ANKRD26: variants seen among roughly 807,000 people sequenced by gnomAD.
The protein encoded by ANKRD26 is ankyrin repeat domain-containing protein 26.
Under a neutral mutation model 208.7 loss-of-function variants are expected in ANKRD26, and 141 were observed. The ratio of observed to expected loss-of-function variants is 0.68; its 90% confidence interval spans 0.59 to 0.78. ANKRD26 has a LOEUF of 0.78. ANKRD26 is among the 30% of genes least tolerant of loss of function. The pLI, the probability that ANKRD26 is intolerant of heterozygous loss-of-function variation, is 0.00. For missense variants in ANKRD26, 1,889 were observed against 1,938.7 expected, an observed-to-expected ratio of 0.97 and a Z score of 0.48; for synonymous variants, 636 against 660.4, an observed-to-expected ratio of 0.96 and a Z score of 0.57.
At chr10:27,003,318 T>G (rs145292280), downstream of ANKRD26, among the ~76,000 whole-genome samples, 289 of 152,248 alleles carry the variant, frequency 1.9e-3, no homozygotes, top group Middle Eastern at 6.8e-3. Flanking sequence ...AACACCAAAT[T>G]AGTAAGCTTT....
At chr10:27,086,768 G>GTTTTTTTTT (rs36035101) in intron 4 of ANKRD26, among the ~76,000 whole-genome samples, 159 bp from the exon 5 acceptor site, 4 of 97,016 alleles carry the variant, frequency 4.1e-5, no homozygotes, top group African/African-American at 1.1e-4. Flanking sequence ...AAACTTTTTT[G>GTTTTTTTTT]TTTTTTTTTT....
intron 3 of ANKRD26, among the ~76,000 whole-genome samples, chr10:27,092,818 C>T (rs979033527): frequency 3.3e-5 from 5 of 152,156 alleles, no homozygotes; most frequent in South Asian, 2.1e-4. Flanking sequence ...CACAGTGGCT[C>T]CCACCTGTAA....
intron 25 of ANKRD26, among the ~76,000 whole-genome samples, chr10:27,030,757 G>C (rs753049405): frequency 1.3e-5 from 2 of 151,766 alleles, no homozygotes; most frequent in Non-Finnish European, 2.9e-5. Flanking sequence ...CTGTGGCCTT[G>C]TAAAAAAATA....
chr10:27,091,094 AAATAAT>A (rs35067345), intron 4 of ANKRD26, among the ~76,000 whole-genome samples: 8 of 151,470 alleles, frequency 5.3e-5, no homozygotes, highest in South Asian at 2.1e-4. Context: ...ACCCTGTCTC[AAATAAT>A]AATAATAATA....
intron 9 of ANKRD26, among the ~76,000 whole-genome samples, chr10:27,076,193 CTAAATGTATTTAT>C: frequency 6.6e-6 from 1 of 150,498 alleles, no homozygotes; most frequent in South Asian, 2.1e-4. Flanking sequence ...CAGAGCAGAG[CTAAATGTATTTAT>C]AACCAAAAAC....
chr10:26,949,721 C>G, the ANKRD26 span, among the ~76,000 whole-genome samples: 10 of 152,164 alleles, frequency 6.6e-5, no homozygotes, highest in African/African-American at 2.2e-4. Context: ...GCCAGGCTGG[C>G]CTTGAACTCC....
At chr10:27,047,053 T>C (rs571446239) in intron 17 of ANKRD26, among the ~76,000 whole-genome samples, 484 of 152,286 alleles carry the variant, frequency 3.2e-3, no homozygotes, top group Non-Finnish European at 6.0e-3. Context: ...AGTAAAAGGC[T>C]GGAGCTCATT....
chr10:27,059,116 G>A (rs559776973), intron 15 of ANKRD26, among the ~76,000 whole-genome samples: 8 of 151,028 alleles, frequency 5.3e-5, no homozygotes, highest in South Asian at 4.2e-4. Flanking sequence ...GGGTTTCACC[G>A]TGTTAGCCGG....
intron 16 of ANKRD26, chr10:27,052,196 A>G (rs1305764157): frequency 1.0e-6 from 1 of 972,404 alleles, no homozygotes; most frequent in Non-Finnish European, 1.2e-6. Context: ...TTAAAATTCA[A>G]CTGTTAAACT....
At chr10:27,066,674 C>A in intron 10 of ANKRD26, 126 bp from the exon 11 acceptor site, 22 of 621,442 alleles carry the variant, frequency 3.5e-5, no homozygotes, top group Admixed American at 7.0e-5. Context: ...AAAATAATAG[C>A]AAAAAAAGAA....
chr10:27,023,362 A>G (rs1253842537), intron 28 of ANKRD26, among the ~76,000 whole-genome samples: 3 of 151,950 alleles, frequency 2.0e-5, no homozygotes, highest in Non-Finnish European at 4.4e-5. Flanking sequence ...AAAGAAAAGC[A>G]TACACATACT....
At chr10:26,991,472 T>G (rs919387804), downstream of ANKRD26, among the ~76,000 whole-genome samples, 1 of 152,106 alleles carries the variant, frequency 6.6e-6, no homozygotes, top group African/African-American at 2.4e-5. Context: ...GTTTCACTCT[T>G]GTTGCTCAGG....
chr10:27,046,563 AAAG>A, intron 17 of ANKRD26, 40 bp from the exon 18 acceptor site: 1 of 1,582,966 alleles, frequency 6.3e-7, no homozygotes, highest in Non-Finnish European at 8.6e-7. Context: ...ACATAAGAAA[AAAG>A]AAAAAAAGAA....
downstream of ANKRD26, among the ~76,000 whole-genome samples, chr10:26,969,007 T>C (rs552955111): frequency 1.4e-4 from 22 of 152,304 alleles, no homozygotes; most frequent in African/African-American, 4.8e-4. Context: ...CAGATTTCAA[T>C]TGGCTCCAAG....
chr10:27,015,974 A>G (rs1157599904), intron 30 of ANKRD26, among the ~76,000 whole-genome samples: 1 of 152,122 alleles, frequency 6.6e-6, no homozygotes. Flanking sequence ...AAGAGAGGAA[A>G]GACATTCCTT....
intron 17 of ANKRD26, 92 bp downstream of exon 17, chr10:27,048,709 G>T: frequency 7.3e-7 from 1 of 1,367,538 alleles, no homozygotes; most frequent in Non-Finnish European, 1.0e-6. Context: ...CATAGTAAAA[G>T]TATAAAATTT....
At chr10:27,040,358 A>T (rs958490007) in intron 20 of ANKRD26, among the ~76,000 whole-genome samples, 180 bp from the exon 21 acceptor site, 1 of 152,260 alleles carries the variant, frequency 6.6e-6, no homozygotes, top group African/African-American at 2.4e-5. Flanking sequence ...TGCTTAGCTT[A>T]AAGTATAGTG....
chr10:27,089,028 C>T (rs937295923), intron 4 of ANKRD26, among the ~76,000 whole-genome samples: 1 of 152,148 alleles, frequency 6.6e-6, no homozygotes, highest in Non-Finnish European at 1.5e-5. Context: ...GGCATATAAA[C>T]ACTTGTATGT....
the ANKRD26 span, among the ~76,000 whole-genome samples, chr10:26,957,015 A>G: frequency 6.6e-6 from 1 of 152,254 alleles, no homozygotes. Context: ...CTGGAGCAGC[A>G]AAAACAGAAA....
Sources: allele counts gnomAD v4.1 joint callset (sites outside exome capture counted in the v4.1 genomes callset), GRCh38; gene constraint gnomAD v4.1.1; transcripts MANE v1.5; gene names NCBI Gene and HGNC (gene_info 2026-07-23, HGNC 2026-07-21).